SRPK2: variants seen among roughly 807,000 people sequenced by gnomAD.
The protein encoded by SRPK2 is SFRS protein kinase 2.
In SRPK2, 21 loss-of-function variants were observed where a neutral mutation model predicts 90.8. The observed-to-expected ratio is 0.23, with a 90% CI of 0.16 to 0.33. The LOEUF (loss-of-function observed/expected upper bound fraction) is 0.33, where lower values mean the gene tolerates loss of function less well. Ranked by LOEUF, SRPK2 falls within the 10% of genes least tolerant of loss-of-function variation. SRPK2 has a pLI of 1.00. For synonymous variants in SRPK2, 288 were observed against 311.1 expected, an observed-to-expected ratio of 0.93 and a Z score of 0.78; for missense variants, 620 against 869.0, an observed-to-expected ratio of 0.71 and a Z score of 3.60.
At chr7:105,176,619 G>GTATA (rs1184357367) in intron 3 of SRPK2, among the ~76,000 whole-genome samples, 7 of 9,486 alleles carry the variant, frequency 7.4e-4, no homozygotes, top group Admixed American at 1.6e-3. Context: ...GTATACGTGT[G>GTATA]TGTATATATA....
intron 2 of SRPK2, among the ~76,000 whole-genome samples, chr7:105,255,686 C>T (rs1803172442): frequency 6.6e-6 from 1 of 152,154 alleles, no homozygotes; most frequent in Non-Finnish European, 1.5e-5. Flanking sequence ...AATCCCAGCA[C>T]TTTGGGAGGC....
intron 2 of SRPK2, among the ~76,000 whole-genome samples, chr7:105,288,120 A>G (rs900478737): frequency 1.4e-4 from 21 of 152,202 alleles, no homozygotes; most frequent in Admixed American, 1.2e-3. Flanking sequence ...AATTCTTCTC[A>G]CACTATTCTA....
chr7:105,243,329 A>C (rs995367502), intron 2 of SRPK2, among the ~76,000 whole-genome samples: 9 of 152,076 alleles, frequency 5.9e-5, no homozygotes, highest in Admixed American at 2.0e-4. Context: ...TAATTCTCTA[A>C]ATCTAGATGA....
At chr7:105,184,320 C>T (rs937457672) in intron 3 of SRPK2, among the ~76,000 whole-genome samples, 6 of 152,084 alleles carry the variant, frequency 3.9e-5, no homozygotes, top group African/African-American at 1.4e-4. Flanking sequence ...TACATAATGC[C>T]AGACACAGCT....
intron 5 of SRPK2, among the ~76,000 whole-genome samples, chr7:105,167,673 C>T (rs922389397): frequency 2.6e-5 from 4 of 151,870 alleles, no homozygotes; most frequent in African/African-American, 9.7e-5. Flanking sequence ...TGCAGTGGTA[C>T]GATCTCGGCT....
intron 2 of SRPK2, among the ~76,000 whole-genome samples, chr7:105,219,844 C>T (rs991592328): frequency 3.3e-5 from 5 of 152,116 alleles, no homozygotes; most frequent in African/African-American, 4.8e-5. Context: ...ATGTAGGTAC[C>T]GTGTGAAAGC....
At chr7:105,149,517 G>C (rs530103844) in intron 7 of SRPK2, among the ~76,000 whole-genome samples, 2 of 152,040 alleles carry the variant, frequency 1.3e-5, no homozygotes, top group Non-Finnish European at 2.9e-5. Context: ...GACCGGTGCC[G>C]GTGCAGGTCC....
chr7:105,245,386 A>T (rs1480489009), intron 2 of SRPK2, among the ~76,000 whole-genome samples: 1 of 152,214 alleles, frequency 6.6e-6, no homozygotes, highest in African/African-American at 2.4e-5. Flanking sequence ...AGGGTAAAAG[A>T]GCCAGAAATG....
chr7:105,385,761 CT>C (rs1044502062), intron 2 of SRPK2, among the ~76,000 whole-genome samples: 5 of 152,198 alleles, frequency 3.3e-5, no homozygotes, highest in Non-Finnish European at 2.9e-5. Context: ...ATGTTACTTA[CT>C]TTTCCTGTGT....
intron 2 of SRPK2, among the ~76,000 whole-genome samples, chr7:105,334,479 C>T (rs893951583): frequency 6.6e-6 from 1 of 152,026 alleles, no homozygotes; most frequent in Non-Finnish European, 1.5e-5. Context: ...CCTTAGTCTC[C>T]CAAAGTGCTG....
chr7:105,204,025 T>C (rs1795895008), intron 2 of SRPK2, among the ~76,000 whole-genome samples: 1 of 152,202 alleles, frequency 6.6e-6, no homozygotes, highest in South Asian at 2.1e-4. Flanking sequence ...GTAGGTATCT[T>C]TTCACTTAGC....
chr7:105,348,068 C>CTTTTTTTTTTTTTTTT (rs770159031), intron 2 of SRPK2, among the ~76,000 whole-genome samples: 2 of 81,020 alleles, frequency 2.5e-5, no homozygotes, highest in Non-Finnish European at 2.2e-5. Context: ...GCTTGGCAAA[C>CTTTTTTTTTTTTTTTT]TTTTTTTTTT....
chr7:105,173,249 T>C (rs111687317), intron 3 of SRPK2, among the ~76,000 whole-genome samples: 5,172 of 152,192 alleles, frequency 0.034, 319 homozygotes, highest in African/African-American at 0.12. Flanking sequence ...CTCCAAGAAG[T>C]ACATGCCACC....
At chr7:105,273,969 C>T (rs1448113788) in intron 2 of SRPK2, among the ~76,000 whole-genome samples, 1 of 152,206 alleles carries the variant, frequency 6.6e-6, no homozygotes, top group Non-Finnish European at 1.5e-5. Flanking sequence ...AGCTGAACCA[C>T]ATGAATTTAT....
At chr7:105,256,545 C>T (rs1017225800) in intron 2 of SRPK2, among the ~76,000 whole-genome samples, 8 of 152,028 alleles carry the variant, frequency 5.3e-5, no homozygotes, top group Admixed American at 2.0e-4. Flanking sequence ...TTTGTAGAGA[C>T]GGGGGTCTTG....
chr7:105,171,960 C>G (rs990197989), intron 3 of SRPK2, among the ~76,000 whole-genome samples: 1 of 152,128 alleles, frequency 6.6e-6, no homozygotes, highest in Non-Finnish European at 1.5e-5. Context: ...CACTGGCCAT[C>G]TCGGCTCACT....
chr7:105,271,570 C>A (rs1363135969), intron 2 of SRPK2, among the ~76,000 whole-genome samples: 2 of 152,140 alleles, frequency 1.3e-5, no homozygotes, highest in Non-Finnish European at 2.9e-5. Flanking sequence ...GTGAAGAATT[C>A]CAGAAGCCAT....
At chr7:105,116,323 T>A (rs1799620609), downstream of SRPK2, 1 of 152,380 alleles carries the variant, frequency 6.6e-6, no homozygotes, top group South Asian at 2.1e-4. Context: ...ACTACTCTGA[T>A]AGCAAATGTT....
At chr7:105,173,859 C>T (rs777408156) in intron 3 of SRPK2, among the ~76,000 whole-genome samples, 1 of 151,468 alleles carries the variant, frequency 6.6e-6, no homozygotes, top group Non-Finnish European at 1.5e-5. Context: ...AACACCTGTA[C>T]ACTTCACTAT....
Sources: allele counts gnomAD v4.1 joint callset (sites outside exome capture counted in the v4.1 genomes callset), GRCh38; gene constraint gnomAD v4.1.1; transcripts MANE v1.5; gene names NCBI Gene and HGNC (gene_info 2026-07-23, HGNC 2026-07-21).